Variants in LRRC7 observed in about 807,000 individuals in gnomAD.
The protein encoded by LRRC7 is leucine-rich repeat-containing protein 7.
In LRRC7, 23 loss-of-function variants were observed where a neutral mutation model predicts 175.7. The observed-to-expected ratio is 0.13, with a 90% confidence interval of 0.09 to 0.19. The LOEUF (loss-of-function observed/expected upper bound fraction) is 0.19. LRRC7 is among the 10% of genes least tolerant of loss of function. The pLI, the probability that LRRC7 is intolerant of heterozygous loss-of-function variation, is 1.00. For synonymous variants in LRRC7, 685 were observed against 680.9 expected (o/e 1.01, Z -0.09); for missense variants, 1,354 against 1,904.7 (o/e 0.71, Z 5.38).
chr1:69,994,182 GTTAGTTATTACTGC>G (rs1266936178), intron 10 of LRRC7, among the ~76,000 whole-genome samples: 1 of 152,176 alleles, frequency 6.6e-6, no homozygotes, highest in Non-Finnish European at 1.5e-5. Context: ...CAACAGCGAT[GTTAGTTATTACTGC>G]TTAGGAACTA....
intron 2 of LRRC7, among the ~76,000 whole-genome samples, chr1:69,681,980 C>T (rs1370362181): frequency 3.9e-5 from 6 of 152,158 alleles, no homozygotes; most frequent in African/African-American, 1.2e-4. Flanking sequence ...CTTCAGTTCT[C>T]ACTAGGTTGA....
intron 1 of LRRC7, among the ~76,000 whole-genome samples, chr1:69,569,942 G>A (rs1269709546): frequency 1.3e-5 from 2 of 150,230 alleles, no homozygotes; most frequent in East Asian, 1.9e-4. Flanking sequence ...ATGGGGGTGG[G>A]GATCGGTAAG....
chr1:69,768,965 T>C lies in LRRC7; in HGVS notation c.303+8572T>C, dbSNP rs544148020. 1.3e-4 allele frequency among the ~76,000 whole-genome samples: 20 copies of C among 152,276 alleles called. 1 individual carries two copies. In the South Asian group the frequency reaches 3.9e-3, roughly 30 times the overall value. On this transcript the variant is annotated intron_variant, in intron 3 of 26. Transcript: ENST00000651989. ...GAATGTGCTTTTATGTTTGGGGATG[T>C]GGGGTGGAATAGGTTTTCTAAAATT...
chr1:69,861,602 A>G (rs904904934), intron 7 of LRRC7, among the ~76,000 whole-genome samples: 1 of 152,200 alleles, frequency 6.6e-6, no homozygotes, highest in Non-Finnish European at 1.5e-5. Context: ...AGATCTGATA[A>G]AAGTTGAGTT....
chr1:69,647,433 A>G (rs981090540), intron 1 of LRRC7, among the ~76,000 whole-genome samples: 5 of 152,186 alleles, frequency 3.3e-5, no homozygotes, highest in African/African-American at 1.2e-4. Flanking sequence ...TTTCCTCAAC[A>G]CAGAAGATAT....
At chr1:70,078,210 G>A (rs72926213) in intron 24 of LRRC7, among the ~76,000 whole-genome samples, 3,896 of 152,234 alleles carry the variant, frequency 0.026, 194 homozygotes, top group African/African-American at 0.09. Context: ...ATATCATTAT[G>A]TATCAATAAA....
chr1:69,960,746 A>G (rs1431734451), intron 8 of LRRC7, among the ~76,000 whole-genome samples: 1 of 152,104 alleles, frequency 6.6e-6, no homozygotes, highest in African/African-American at 2.4e-5. Flanking sequence ...ATCTCAATCA[A>G]TGCAGAAAAG....
chr1:69,891,635 G>A (rs1645836004), intron 7 of LRRC7, among the ~76,000 whole-genome samples: 1 of 152,142 alleles, frequency 6.6e-6, no homozygotes, highest in Non-Finnish European at 1.5e-5. Flanking sequence ...AGGAGGCTGA[G>A]GCAGGAGAAT....
intron 1 of LRRC7, among the ~76,000 whole-genome samples, chr1:69,651,898 G>GC (rs956062281): frequency 9.2e-5 from 14 of 152,074 alleles, no homozygotes; most frequent in African/African-American, 3.4e-4. Flanking sequence ...ATTCCTGGAG[G>GC]CCCACTGAGA....
chr1:69,783,134 T>C (rs1008631497), intron 3 of LRRC7, among the ~76,000 whole-genome samples: 1 of 152,200 alleles, frequency 6.6e-6, no homozygotes, highest in Non-Finnish European at 1.5e-5. Context: ...CTTTCTTTCA[T>C]GTACAGCCTC....
At chr1:69,675,951 C>T (rs1222112447) in intron 1 of LRRC7, among the ~76,000 whole-genome samples, 1 of 151,554 alleles carries the variant, frequency 6.6e-6, no homozygotes, top group African/African-American at 2.4e-5. Flanking sequence ...TATCACTGCA[C>T]ATTAAAAAAC....
At chr1:69,871,967 A>G (rs1685594037) in intron 7 of LRRC7, among the ~76,000 whole-genome samples, 2 of 152,010 alleles carry the variant, frequency 1.3e-5, no homozygotes, top group African/African-American at 4.8e-5. Context: ...CTTACATTCT[A>G]TTGTGAAAAT....
At chr1:69,715,344 G>T (rs1665223349) in intron 2 of LRRC7, among the ~76,000 whole-genome samples, 1 of 152,070 alleles carries the variant, frequency 6.6e-6, no homozygotes. Context: ...TACAGATATA[G>T]ATATAAAGGC....
intron 1 of LRRC7, among the ~76,000 whole-genome samples, chr1:69,578,595 T>A (rs1286639079): frequency 6.6e-6 from 1 of 151,248 alleles, no homozygotes; most frequent in Non-Finnish European, 1.5e-5. Context: ...ATATACACCA[T>A]GGAATACTAT....
chr1:69,672,832 C>T (rs1369879249), intron 1 of LRRC7, among the ~76,000 whole-genome samples: 1 of 152,170 alleles, frequency 6.6e-6, no homozygotes, highest in Non-Finnish European at 1.5e-5. Flanking sequence ...TAAGGGATAT[C>T]ATTTCACTAT....
chr1:69,813,997 A>T (rs1256454870), intron 4 of LRRC7, among the ~76,000 whole-genome samples: 1 of 152,186 alleles, frequency 6.6e-6, no homozygotes, highest in Non-Finnish European at 1.5e-5. Flanking sequence ...GCATATGTAT[A>T]TATACAACAA....
At position 69,623,155 on chromosome 1, in the gene LRRC7, T is replaced by C. The variant is rs530704371; in HGVS notation, c.2+54514T>C. 1.9e-3 allele frequency among the ~76,000 whole-genome samples: 282 copies of C among 152,310 alleles called. 1 individual carries two copies. Among genetic ancestry groups the C allele is most frequent in the African/African-American group, 6.4e-3 (268 of 41,566 alleles). The stretch of plus-strand genomic sequence containing the variant: ...AAGTTCTTCCCTGTATAACTGACAG[T>C]GAAAATTGACATTCCTTCAGGGAAA... On this transcript the variant is annotated intron_variant, in intron 1 of 26. Coordinates refer to ENST00000651989, the MANE Select transcript of LRRC7 (RefSeq NM_001370785.2).
intron 8 of LRRC7, among the ~76,000 whole-genome samples, chr1:69,938,341 C>G (rs1437719802): frequency 6.6e-6 from 1 of 151,996 alleles, no homozygotes; most frequent in Non-Finnish European, 1.5e-5. Flanking sequence ...AAATTCTGCA[C>G]TCTACAAATC....
At chr1:69,945,480 A>G (rs1649209080) in intron 8 of LRRC7, among the ~76,000 whole-genome samples, 2 of 152,126 alleles carry the variant, frequency 1.3e-5, no homozygotes, top group South Asian at 2.1e-4. Flanking sequence ...TGCTTTGTCT[A>G]TTTGTGAACT....
Sources: allele counts gnomAD v4.1 joint callset (sites outside exome capture counted in the v4.1 genomes callset), GRCh38; gene constraint gnomAD v4.1.1; transcripts MANE v1.5; gene names NCBI Gene and HGNC (gene_info 2026-07-23, HGNC 2026-07-21).